Variants in DACH2 observed in about 807,000 individuals in gnomAD.
DACH2 encodes dachshund family transcription factor 2, also known as dachshund homolog 2.
In DACH2, 17 loss-of-function variants were observed where a neutral mutation model predicts 35.8. The ratio of observed to expected loss-of-function variants is 0.48; its 90% CI spans 0.33 to 0.71. DACH2 has a LOEUF of 0.71. DACH2 is among the 30% of genes least tolerant of loss of function. The pLI is 0.02. For missense variants in DACH2, 469 were observed against 472.7 expected, an observed-to-expected ratio of 0.99 and a Z score of 0.07; for synonymous variants, 195 against 177.3, an observed-to-expected ratio of 1.10 and a Z score of -0.79.
intron 6 of DACH2, among the ~76,000 whole-genome samples, chrX:86,727,784 G>C (rs1298313334): frequency 8.9e-6 from 1 of 112,033 alleles, no homozygotes; most frequent in Non-Finnish European, 1.9e-5. Context: ...GCAGATGCCA[G>C]TGATATGCTT....
At chrX:86,551,138 T>A (rs1013896603) in intron 3 of DACH2, among the ~76,000 whole-genome samples, 17 of 111,958 alleles carry the variant, frequency 1.5e-4, no homozygotes, top group African/African-American at 5.2e-4. Context: ...CTTTCCAGTC[T>A]ATTATTAGAT....
At chrX:86,306,909 T>C (rs1422022199) in intron 1 of DACH2, among the ~76,000 whole-genome samples, 1 of 111,728 alleles carries the variant, frequency 9.0e-6, no homozygotes, top group Non-Finnish European at 1.9e-5. Context: ...GTTTTGGGGT[T>C]TCTGAAGTTG....
At chrX:86,570,006 C>T (rs976689387) in intron 3 of DACH2, among the ~76,000 whole-genome samples, 4 of 111,583 alleles carry the variant, frequency 3.6e-5, no homozygotes. Flanking sequence ...CATCATTGAT[C>T]GTTAGAGAAA....
At chrX:86,257,966 C>T (rs994795832) in intron 1 of DACH2, among the ~76,000 whole-genome samples, 1 of 110,834 alleles carries the variant, frequency 9.0e-6, no homozygotes, top group African/African-American at 3.3e-5. Flanking sequence ...GTCTAGATAG[C>T]CTTAAACTCA....
At chrX:86,641,560 C>A (rs1011201117) in intron 3 of DACH2, among the ~76,000 whole-genome samples, 1 of 111,965 alleles carries the variant, frequency 8.9e-6, no homozygotes, top group Non-Finnish European at 1.9e-5. Flanking sequence ...AACTTCCCAA[C>A]CTTGCTAGAG....
intron 3 of DACH2, among the ~76,000 whole-genome samples, chrX:86,637,563 T>C (rs1470440775): frequency 8.9e-6 from 1 of 111,886 alleles, no homozygotes; most frequent in Non-Finnish European, 1.9e-5. Flanking sequence ...AACAAAATCA[T>C]GTTCTTTGTA....
chrX:86,318,600 T>A (rs919378852), intron 1 of DACH2, among the ~76,000 whole-genome samples: 1 of 111,235 alleles, frequency 9.0e-6, no homozygotes, highest in Non-Finnish European at 1.9e-5. Context: ...AGACATCCCA[T>A]ACAGTTTTGG....
intron 3 of DACH2, among the ~76,000 whole-genome samples, chrX:86,610,418 T>TTTCTTTCTTTCTTTCTTTCTTTC (rs1491456126): frequency 8.0e-5 from 5 of 62,201 alleles, no homozygotes; most frequent in East Asian, 1.2e-3. Flanking sequence ...TCTTTCTTTC[T>TTTCTTTCTTTCTTTCTTTCTTTC]TTTCTTTCTT....
intron 2 of DACH2, among the ~76,000 whole-genome samples, chrX:86,494,696 C>T (rs2038141600): frequency 8.9e-6 from 1 of 112,476 alleles, no homozygotes; most frequent in South Asian, 3.6e-4. Flanking sequence ...TCTGAGTCAA[C>T]AAGTGGTACC....
chrX:86,792,803 C>A (rs769833626), intron 7 of DACH2, among the ~76,000 whole-genome samples: 1 of 111,544 alleles, frequency 9.0e-6, no homozygotes, highest in African/African-American at 3.3e-5. Flanking sequence ...TATTCCATAT[C>A]TTTGCTATTG....
chrX:86,251,805 TGTACAA>T (rs1186573374), intron 1 of DACH2, among the ~76,000 whole-genome samples: 1 of 111,824 alleles, frequency 8.9e-6, no homozygotes, highest in Non-Finnish European at 1.9e-5. Flanking sequence ...TAAACATGCG[TGTACAA>T]GTATCTTTTT....
chrX:86,274,581 G>T (rs2033881453), intron 1 of DACH2, among the ~76,000 whole-genome samples: 2 of 92,466 alleles, frequency 2.2e-5, no homozygotes, highest in African/African-American at 4.0e-5. Context: ...TGCAAGCTCC[G>T]CCTCCCGGGT....
intron 2 of DACH2, among the ~76,000 whole-genome samples, chrX:86,454,736 A>T (rs2037443537): frequency 9.0e-6 from 1 of 111,509 alleles, no homozygotes; most frequent in Admixed American, 9.6e-5. Flanking sequence ...AGCGCGGTGA[A>T]GTTTGTTATT....
At chrX:86,201,724 T>C (rs1446911336) in intron 1 of DACH2, among the ~76,000 whole-genome samples, 1 of 111,655 alleles carries the variant, frequency 9.0e-6, no homozygotes, top group Non-Finnish European at 1.9e-5. Context: ...ATATTTTATT[T>C]GGGTAGGCTA....
At chrX:86,373,039 T>C (rs2035912673) in intron 1 of DACH2, among the ~76,000 whole-genome samples, 1 of 111,530 alleles carries the variant, frequency 9.0e-6, no homozygotes, top group Non-Finnish European at 1.9e-5. Flanking sequence ...TATTCCATGG[T>C]ATACATATAC....
chrX:86,389,139 A>T (rs1176353280), intron 2 of DACH2, among the ~76,000 whole-genome samples: 1 of 111,977 alleles, frequency 8.9e-6, no homozygotes, highest in African/African-American at 3.2e-5. Context: ...TGGTACTTTC[A>T]TTTAAATTAT....
At chrX:86,162,545 C>T (rs2030800574) in intron 1 of DACH2, among the ~76,000 whole-genome samples, 1 of 110,140 alleles carries the variant, frequency 9.1e-6, no homozygotes, top group Admixed American at 9.7e-5. Flanking sequence ...TAAGATTAAT[C>T]AGATTAATAA....
chrX:86,497,819 C>T (rs994677193), intron 2 of DACH2, among the ~76,000 whole-genome samples: 2 of 110,591 alleles, frequency 1.8e-5, no homozygotes, highest in Non-Finnish European at 3.8e-5. Flanking sequence ...CATGGCAAAA[C>T]CCCATCTCTA....
chrX:86,697,170 A>G (rs997567183), intron 5 of DACH2, among the ~76,000 whole-genome samples: 1 of 111,794 alleles, frequency 8.9e-6, no homozygotes, highest in Non-Finnish European at 1.9e-5. Flanking sequence ...AGACCTAATC[A>G]TAAGATTATA....
Sources: allele counts gnomAD v4.1 joint callset (sites outside exome capture counted in the v4.1 genomes callset), GRCh38; gene constraint gnomAD v4.1.1; transcripts MANE v1.5; gene names NCBI Gene and HGNC (gene_info 2026-07-23, HGNC 2026-07-21).